Variants in CBFA2T2 observed in about 807,000 individuals in gnomAD.
The protein encoded by CBFA2T2 is protein CBFA2T2.
In CBFA2T2, 11 loss-of-function variants were observed where a neutral mutation model predicts 62.2. The ratio of observed to expected loss-of-function variants is 0.18; its 90% CI spans 0.11 to 0.29. The LOEUF (loss-of-function observed/expected upper bound fraction) is 0.29. Among genes scored for constraint, CBFA2T2 ranks in the 10% least tolerant of loss-of-function variants. CBFA2T2 has a pLI of 1.00. For synonymous variants in CBFA2T2, 295 were observed against 287.5 expected, an observed-to-expected ratio of 1.03 and a Z score of -0.27; for missense variants, 592 against 774.1, an observed-to-expected ratio of 0.76 and a Z score of 2.79.
intron 1 of CBFA2T2, among the ~76,000 whole-genome samples, chr20:33,510,136 CA>C (rs897563766): frequency 1.4e-4 from 22 of 151,998 alleles, no homozygotes; most frequent in Non-Finnish European, 3.2e-4. Context: ...CATGTCCCTG[CA>C]AAGGACATGA....
rs1212876197 is a variant in CBFA2T2, at chr20:33,527,929, T to C, written c.34+37628T>C. On this transcript the variant is annotated intron_variant, in intron 1 of 10. Transcript: ENST00000342704. ...ATTTTGAGATGGAGTCTTGCTGTGT[T>C]GTCAAGGCTGGTCTCCAACTTCTGG... 4.6e-5 allele frequency among the ~76,000 whole-genome samples: 7 copies of C among 152,284 alleles called. No individual in the cohort carries two copies. In the East Asian group the frequency reaches 1.4e-3, roughly 29 times the overall value.
At chr20:33,543,274 T>G (rs1189308463) in intron 1 of CBFA2T2, among the ~76,000 whole-genome samples, 1 of 137,472 alleles carries the variant, frequency 7.3e-6, no homozygotes, top group East Asian at 2.2e-4. Context: ...CCTCCCAAAG[T>G]GCTGGGATTA....
chr20:33,533,732 G>T (rs185457062), intron 1 of CBFA2T2, among the ~76,000 whole-genome samples: 238 of 152,106 alleles, frequency 1.6e-3, no homozygotes, highest in African/African-American at 5.6e-3. Context: ...CCAGCACTTT[G>T]TGAGGCTGAG....
chr20:33,581,712 C>A (rs2014123008), intron 1 of CBFA2T2, among the ~76,000 whole-genome samples: 1 of 152,106 alleles, frequency 6.6e-6, no homozygotes, highest in South Asian at 2.1e-4. Flanking sequence ...AAAATTAGTT[C>A]TTGTGAGAGA....
intron 3 of CBFA2T2, among the ~76,000 whole-genome samples, chr20:33,614,390 T>G (rs905430285): frequency 6.6e-6 from 1 of 152,222 alleles, no homozygotes; most frequent in Non-Finnish European, 1.5e-5. Context: ...GGTTAAGGAA[T>G]TTATACAATT....
intron 10 of CBFA2T2, among the ~76,000 whole-genome samples, chr20:33,642,409 C>T (rs1433859253): frequency 1.3e-5 from 2 of 151,940 alleles, no homozygotes; most frequent in African/African-American, 4.8e-5. Context: ...CAAGACCAGC[C>T]TTGGCTAGAT....
chr20:33,532,301 T>C (rs1358664360), intron 1 of CBFA2T2, among the ~76,000 whole-genome samples: 3 of 152,220 alleles, frequency 2.0e-5, no homozygotes, highest in Non-Finnish European at 4.4e-5. Flanking sequence ...AAAGTGTAAT[T>C]CTGTCAAAGG....
At chr20:33,579,101 G>T (rs973857684) in intron 1 of CBFA2T2, among the ~76,000 whole-genome samples, 1 of 148,482 alleles carries the variant, frequency 6.7e-6, no homozygotes, top group African/African-American at 2.5e-5. Context: ...TGGTTTTTTT[G>T]GGGGTTTTTT....
chr20:33,633,486 A>C (rs1601105650), intron 8 of CBFA2T2, among the ~76,000 whole-genome samples: 1 of 152,202 alleles, frequency 6.6e-6, no homozygotes, highest in East Asian at 1.9e-4. Flanking sequence ...AATTGACTAG[A>C]GGCTTTAGAT....
At chr20:33,631,224 G>T (rs2016437685) in intron 8 of CBFA2T2, among the ~76,000 whole-genome samples, 2 of 152,214 alleles carry the variant, frequency 1.3e-5, no homozygotes, top group African/African-American at 4.8e-5. Flanking sequence ...TGAGGCAGGA[G>T]AATGGCGTGA....
intron 1 of CBFA2T2, among the ~76,000 whole-genome samples, chr20:33,535,660 A>G (rs1476405246): frequency 7.9e-6 from 1 of 126,364 alleles, no homozygotes; most frequent in Non-Finnish European, 1.7e-5. Context: ...TATTTATTTT[A>G]TTTTATTTTA....
At chr20:33,605,174 A>G (rs1473561955) in intron 1 of CBFA2T2, among the ~76,000 whole-genome samples, 4 of 152,218 alleles carry the variant, frequency 2.6e-5, no homozygotes, top group Non-Finnish European at 5.9e-5. Flanking sequence ...CTTTTCTACA[A>G]ATACCATTGT....
chr20:33,495,535 A>G, intron 1 of CBFA2T2, among the ~76,000 whole-genome samples: 1 of 151,550 alleles, frequency 6.6e-6, no homozygotes, highest in African/African-American at 2.4e-5. Context: ...AAAAACGTAC[A>G]AAAAAAATCA....
At chr20:33,563,088 T>A (rs370584720) in intron 1 of CBFA2T2, among the ~76,000 whole-genome samples, 2 of 152,366 alleles carry the variant, frequency 1.3e-5, no homozygotes. Flanking sequence ...TATTGTCAGA[T>A]TTTATTTCAG....
rs534348920 is a variant in CBFA2T2 at position 33,622,861 on chromosome 20, A to G, written c.511-254A>G. 5.3e-5 allele frequency among the ~76,000 whole-genome samples: 8 copies of G among 152,368 alleles called. No individual in the cohort carries two copies. The East Asian group carries it at 1.2e-3, about 22-fold the overall frequency. On this transcript the variant is annotated intron_variant, in intron 4 of 10. Coordinates refer to ENST00000342704, the MANE Select transcript of CBFA2T2 (RefSeq NM_001032999.3). ...CTTTATTGAGCTTTGACTGTATACTAGGCTGCAAAGGTAAATAAGGTACAA... is the reference window on the plus strand; with the variant it reads ...CTTTATTGAGCTTTGACTGTATACTGGGCTGCAAAGGTAAATAAGGTACAA...
intron 1 of CBFA2T2, among the ~76,000 whole-genome samples, chr20:33,563,763 T>C (rs570259982): frequency 1.3e-5 from 2 of 152,296 alleles, no homozygotes; most frequent in East Asian, 3.9e-4. Context: ...GAGTTCTAGA[T>C]GTTCACTTTT....
At chr20:33,557,004 CT>C (rs751836572) in intron 1 of CBFA2T2, among the ~76,000 whole-genome samples, 104 of 46,208 alleles carry the variant, frequency 2.3e-3, no homozygotes, top group Non-Finnish European at 3.1e-3. Context: ...GCATGCTTAT[CT>C]TTTTTTTTTT....
At chr20:33,533,843 T>C (rs1383952343) in intron 1 of CBFA2T2, among the ~76,000 whole-genome samples, 1 of 152,032 alleles carries the variant, frequency 6.6e-6, no homozygotes, top group Non-Finnish European at 1.5e-5. Context: ...TGCATGGTGG[T>C]GTGTGCCTGT....
At chr20:33,574,606 C>T (rs1323692466) in intron 1 of CBFA2T2, among the ~76,000 whole-genome samples, 1 of 152,158 alleles carries the variant, frequency 6.6e-6, no homozygotes, top group South Asian at 2.1e-4. Flanking sequence ...GCCTGGGAAA[C>T]GAGTGAAACT....
Sources: allele counts gnomAD v4.1 joint callset (sites outside exome capture counted in the v4.1 genomes callset), GRCh38; gene constraint gnomAD v4.1.1; transcripts MANE v1.5; gene names NCBI Gene and HGNC (gene_info 2026-07-23, HGNC 2026-07-21).